The following LRRTM4 variants were observed in gnomAD, a reference collection of about 807,000 sequenced individuals.
The protein encoded by LRRTM4 is leucine rich repeat transmembrane neuronal 4.
A neutral mutation model predicts 47.6 loss-of-function variants in LRRTM4; 25 were observed. The observed-to-expected ratio is 0.53, with a 90% CI of 0.38 to 0.73. The LOEUF (loss-of-function observed/expected upper bound fraction) is 0.73, where lower values mean the gene tolerates loss of function less well. Ranked by LOEUF, LRRTM4 falls within the 30% of genes least tolerant of loss-of-function variation. The pLI, the probability that LRRTM4 is intolerant of heterozygous loss-of-function variation, is 0.00. For missense variants in LRRTM4, 638 were observed against 713.4 expected (o/e 0.89, Z 1.20); for synonymous variants, 311 against 269.5 (o/e 1.15, Z -1.51).
intron 3 of LRRTM4, among the ~76,000 whole-genome samples, chr2:77,439,942 C>T (rs1236429721): frequency 6.6e-6 from 1 of 152,082 alleles, no homozygotes; most frequent in Non-Finnish European, 1.5e-5. Context: ...GCAACAAGGC[C>T]CCAGAGACTG....
intron 3 of LRRTM4, among the ~76,000 whole-genome samples, chr2:77,260,806 C>T (rs1675900060): frequency 6.6e-6 from 1 of 152,010 alleles, no homozygotes; most frequent in African/African-American, 2.4e-5. Context: ...AACAAAGTCA[C>T]GCCGAGCCTG....
At chr2:76,841,371 C>T (rs1671676951) in intron 3 of LRRTM4, among the ~76,000 whole-genome samples, 1 of 151,824 alleles carries the variant, frequency 6.6e-6, no homozygotes, top group Non-Finnish European at 1.5e-5. Flanking sequence ...CACATGTATA[C>T]ATATGTAACA....
At chr2:76,922,719 C>G (rs1049977429) in intron 3 of LRRTM4, among the ~76,000 whole-genome samples, 2 of 151,954 alleles carry the variant, frequency 1.3e-5, no homozygotes, top group African/African-American at 4.8e-5. Flanking sequence ...GGTGCTACAA[C>G]TAATAATAAG....
intron 3 of LRRTM4, among the ~76,000 whole-genome samples, chr2:77,368,591 A>G (rs1321121428): frequency 1.3e-5 from 2 of 151,796 alleles, no homozygotes; most frequent in African/African-American, 4.8e-5. Flanking sequence ...TCAAATCTAT[A>G]TGGCTTACAT....
rs760972743 is a variant in LRRTM4 at position 77,521,693 on chromosome 2, T to C, written c.-22A>G. The C allele has an allele frequency of 1.4e-5, 23 of 1,611,558 alleles. 1 individual carries two copies. In the African/African-American group the frequency reaches 2.7e-4, roughly 19 times the overall value. ...CCATCCTTTGTCATCCAAAAACGTTTCCCCCCTCTCTCAGCTTTCTTCTTA... is the reference window on the plus strand; with the variant it reads ...CCATCCTTTGTCATCCAAAAACGTTCCCCCCCTCTCTCAGCTTTCTTCTTA... On this transcript the variant is annotated 5_prime_UTR_variant, in exon 2 of 4. Coordinates refer to ENST00000409884, the MANE Select transcript of LRRTM4 (RefSeq NM_001134745.3).
intron 3 of LRRTM4, among the ~76,000 whole-genome samples, chr2:76,915,765 A>T (rs1674221110): frequency 6.6e-6 from 1 of 151,926 alleles, no homozygotes; most frequent in African/African-American, 2.4e-5. Context: ...CAAATAAAGA[A>T]ACATTTTGAG....
At chr2:77,034,158 A>AT (rs1243842013) in intron 3 of LRRTM4, among the ~76,000 whole-genome samples, 1 of 151,840 alleles carries the variant, frequency 6.6e-6, no homozygotes, top group African/African-American at 2.4e-5. Flanking sequence ...AATTTGGAAA[A>AT]TTTTCATTAT....
At chr2:77,035,634 T>C (rs1678811636) in intron 3 of LRRTM4, among the ~76,000 whole-genome samples, 14 of 152,092 alleles carry the variant, frequency 9.2e-5, no homozygotes, top group South Asian at 2.1e-4. Context: ...TATCAAATTA[T>C]ACAATCAGTA....
intron 3 of LRRTM4, among the ~76,000 whole-genome samples, chr2:77,055,932 T>C (rs1032718134): frequency 1.0e-4 from 15 of 150,658 alleles, no homozygotes; most frequent in African/African-American, 3.2e-4. Flanking sequence ...CAGTAAACTA[T>C]TGCAAGAACA....
intron 3 of LRRTM4, among the ~76,000 whole-genome samples, chr2:77,513,157 A>G (rs1191579242): frequency 1.3e-5 from 2 of 152,172 alleles, no homozygotes; most frequent in Non-Finnish European, 2.9e-5. Flanking sequence ...TCATGTGCTC[A>G]CACATGTGTA....
intron 3 of LRRTM4, among the ~76,000 whole-genome samples, chr2:76,994,169 ACTG>A (rs1441232555): frequency 6.6e-6 from 1 of 151,924 alleles, no homozygotes; most frequent in African/African-American, 2.4e-5. Flanking sequence ...TACTATGTTC[ACTG>A]CTTGAGTGAC....
intron 3 of LRRTM4, among the ~76,000 whole-genome samples, chr2:77,163,696 A>T (rs1312712581): frequency 2.6e-5 from 4 of 152,244 alleles, no homozygotes; most frequent in Non-Finnish European, 5.9e-5. Context: ...AGAATTTCAT[A>T]TCGAGCCAAA....
chr2:76,752,725 T>C (rs1672894959), intron 3 of LRRTM4, among the ~76,000 whole-genome samples: 1 of 152,202 alleles, frequency 6.6e-6, no homozygotes, highest in African/African-American at 2.4e-5. Flanking sequence ...AGTAATAGTG[T>C]ACAGTACATT....
intron 3 of LRRTM4, among the ~76,000 whole-genome samples, chr2:77,219,781 C>A (rs918716905): frequency 1.3e-5 from 2 of 152,112 alleles, no homozygotes; most frequent in African/African-American, 4.8e-5. Flanking sequence ...CCTCTGGGGG[C>A]AGGGCATAGA....
chr2:76,796,150 T>C (rs1201431558), intron 3 of LRRTM4, among the ~76,000 whole-genome samples: 1 of 144,170 alleles, frequency 6.9e-6, no homozygotes, highest in African/African-American at 2.5e-5. Flanking sequence ...ATCCCGCACA[T>C]GGCTCGCAGG....
At chr2:77,097,977 A>G (rs2103903874) in intron 3 of LRRTM4, among the ~76,000 whole-genome samples, 1 of 152,150 alleles carries the variant, frequency 6.6e-6, no homozygotes, top group South Asian at 2.1e-4. Context: ...AAGGAAAATA[A>G]GGCGATAAAA....
At chr2:77,453,918 T>C (rs1676363366) in intron 3 of LRRTM4, among the ~76,000 whole-genome samples, 1 of 152,164 alleles carries the variant, frequency 6.6e-6, no homozygotes, top group Non-Finnish European at 1.5e-5. Context: ...TTTGTAATAT[T>C]TCTATTTTCT....
chr2:76,825,024 C>G (rs187225755), intron 3 of LRRTM4, among the ~76,000 whole-genome samples: 4 of 151,524 alleles, frequency 2.6e-5, no homozygotes, highest in African/African-American at 9.7e-5. Flanking sequence ...TTATAATGTT[C>G]TGGGCAACTT....
intron 3 of LRRTM4, among the ~76,000 whole-genome samples, chr2:77,339,051 G>A (rs1359508359): frequency 6.6e-6 from 1 of 151,700 alleles, no homozygotes; most frequent in Non-Finnish European, 1.5e-5. Flanking sequence ...GAAAACTGTA[G>A]GTACAAAAAC....
Sources: allele counts gnomAD v4.1 joint callset (sites outside exome capture counted in the v4.1 genomes callset), GRCh38; gene constraint gnomAD v4.1.1; transcripts MANE v1.5; gene names NCBI Gene and HGNC (gene_info 2026-07-23, HGNC 2026-07-21).